Variants in C4orf50 observed in about 807,000 individuals in gnomAD.
C4orf50 encodes uncharacterized protein C4orf50.
Under a neutral mutation model 77.2 loss-of-function variants are expected in C4orf50, and 80 were observed. The ratio of observed to expected loss-of-function variants is 1.04; its 90% CI spans 0.87 to 1.25. C4orf50 has a LOEUF of 1.25. Among genes scored for constraint, C4orf50 ranks in the 50% most tolerant of loss-of-function variants. The pLI is 0.00. For missense variants in C4orf50, 1,257 were observed against 1,152.9 expected (o/e 1.09, Z -1.31); for synonymous variants, 532 against 465.3 (o/e 1.14, Z -1.84).
At chr4:5,924,225 C>T (rs1717410281) in intron 7 of C4orf50, among the ~76,000 whole-genome samples, 1 of 152,176 alleles carries the variant, frequency 6.6e-6, no homozygotes, top group African/African-American at 2.4e-5. Flanking sequence ...TTAATAAACT[C>T]CCCTTCATAT....
At chr4:5,988,904 G>T (rs1386719004) in exon 28 of C4orf50, 2 of 1,535,964 alleles carry the variant, frequency 1.3e-6, no homozygotes, top group Non-Finnish European at 1.7e-6. Flanking sequence ...AGGGTGACTT[G>T]CTCCATCGTG....
In C4orf50 at chr4:5,913,971, C is replaced by T. The variant is rs573602025; in HGVS notation, c.*2475-15783G>A. On this transcript the variant is annotated intron_variant, in intron 7 of 7. Transcript: ENST00000324058. ...GACAATGATAGTCATCTCATTACCC[C>T]GGCAGCCCAAATGTTCAATAACAAG... Among the ~76,000 whole-genome samples the T allele has an allele frequency of 2.2e-3, 331 of 152,166 alleles. 1 individual carries two copies. The highest frequency in any genetic ancestry group is 7.6e-3 in the African/African-American group (314 of 41,506).
chr4:5,954,535 G>C (rs937932067), downstream of C4orf50, among the ~76,000 whole-genome samples: 14 of 152,108 alleles, frequency 9.2e-5, no homozygotes, highest in Non-Finnish European at 1.6e-4. This position sits in a 1 kb window ranked among gnomAD's most constrained non-coding sequence, Gnocchi z 4.7. Context: ...GATGGGGGAG[G>C]GGGGTCAGCT....
intron 7 of C4orf50, chr4:5,923,448 G>T (rs1717373190): frequency 6.5e-6 from 1 of 153,314 alleles, no homozygotes; most frequent in South Asian, 2.1e-4. Context: ...CAGGGAGGAG[G>T]CTTTTGTGGC....
At chr4:5,974,158 C>G (rs567571183) in intron 30 of C4orf50, among the ~76,000 whole-genome samples, 1 of 152,206 alleles carries the variant, frequency 6.6e-6, no homozygotes, top group Non-Finnish European at 1.5e-5. Context: ...CTCTGCACCT[C>G]GACTTGCCCA....
rs577457054 is a variant in C4orf50, at chr4:5,960,380, G to T, written c.4276-754C>A. On this transcript the variant is annotated intron_variant, in intron 33 of 33. Coordinates refer to ENST00000531445, the Ensembl canonical transcript of C4orf50. ...TAATGCCTCTTCTCCCTCCTCTAAA[G>T]GGTGTGGCAGGTGTGTCAGTGCCTT... 8.5e-5 allele frequency among the ~76,000 whole-genome samples: 13 copies of T among 152,302 alleles called. 1 individual carries two copies. The highest frequency in any genetic ancestry group is 3.1e-4 in the African/African-American group (13 of 41,570).
intron 33 of C4orf50, among the ~76,000 whole-genome samples, chr4:5,960,323 G>C (rs1719203829): frequency 6.6e-6 from 1 of 152,160 alleles, no homozygotes; most frequent in Non-Finnish European, 1.5e-5. Context: ...TGACAGGCAG[G>C]ACTGCCTCAC....
exon 28 of C4orf50, chr4:5,989,583 C>T: frequency 6.5e-7 from 1 of 1,536,162 alleles, no homozygotes. Context: ...TGCTGCCCGG[C>T]TGCAGGGTGG....
intron 31 of C4orf50, 144 bp from the exon 10 acceptor site, chr4:5,967,606 C>T: frequency 1.5e-6 from 1 of 680,478 alleles, no homozygotes; most frequent in Non-Finnish European, 2.7e-6. Flanking sequence ...TGCCTGTGTG[C>T]ATGAAGACCT....
At chr4:5,994,311 G>A (rs545947826) in intron 26 of C4orf50, 36 bp downstream of exon 4, 3 of 399,026 alleles carry the variant, frequency 7.5e-6, no homozygotes, top group East Asian at 3.6e-5. Flanking sequence ...GGTGCTGCCC[G>A]CGACTCGTCC....
intron 25 of C4orf50, among the ~76,000 whole-genome samples, chr4:5,996,679 A>G (rs1577982376): frequency 1.3e-5 from 2 of 152,186 alleles, no homozygotes; most frequent in Middle Eastern, 6.8e-3. Flanking sequence ...GGTCTTGTCC[A>G]TTTCTTCTCA....
chr4:5,980,430 AGTTT>A (rs2108781187), intron 28 of C4orf50, 92 bp from the exon 7 acceptor site: 1 of 1,172,036 alleles, frequency 8.5e-7, no homozygotes, highest in Non-Finnish European at 1.2e-6. Flanking sequence ...CCCACTCCGT[AGTTT>A]TTTTTTTTGT....
intron 26 of C4orf50, among the ~76,000 whole-genome samples, chr4:5,993,990 G>A (rs1035377894): frequency 6.6e-6 from 1 of 152,134 alleles, no homozygotes; most frequent in Non-Finnish European, 1.5e-5. Flanking sequence ...GAAGTGGGGG[G>A]ACAGGACGGC....
chr4:5,925,778 T>G (rs1257883957), intron 7 of C4orf50, among the ~76,000 whole-genome samples: 1 of 151,954 alleles, frequency 6.6e-6, no homozygotes, highest in African/African-American at 2.4e-5. Context: ...AGGACCAGGG[T>G]TGGGGAAGCA....
At chr4:5,927,629 G>GTC (rs1193758558) in intron 7 of C4orf50, among the ~76,000 whole-genome samples, 3 of 150,142 alleles carry the variant, frequency 2.0e-5, no homozygotes, top group Admixed American at 6.6e-5. Flanking sequence ...CTCTCCCTCT[G>GTC]TCTCTCTCTC....
chr4:5,950,232 A>G (rs1006486247), intron 7 of C4orf50, among the ~76,000 whole-genome samples: 14 of 152,336 alleles, frequency 9.2e-5, no homozygotes, highest in African/African-American at 3.1e-4. Context: ...TAAAACTGAC[A>G]GGCCACTTAG....
chr4:5,952,817 C>T (rs1289653215), downstream of C4orf50, among the ~76,000 whole-genome samples: 5 of 152,148 alleles, frequency 3.3e-5, no homozygotes, highest in East Asian at 3.9e-4. The surrounding 1 kb of genome is among the most constrained non-coding windows in gnomAD (Gnocchi z 4.4). Context: ...GCACAGTTCC[C>T]GACACCGACA....
intron 7 of C4orf50, among the ~76,000 whole-genome samples, chr4:5,911,055 G>A (rs375271378): frequency 7.2e-5 from 11 of 151,928 alleles, no homozygotes; most frequent in South Asian, 2.1e-4. Flanking sequence ...ACAGGTGCCC[G>A]CCACCATGCC....
rs182158878 is a variant in C4orf50, at chr4:5,971,831, G to A, written c.4104+1828C>T. On this transcript the variant is annotated intron_variant, in intron 31 of 33. Coordinates refer to ENST00000531445, the Ensembl canonical transcript of C4orf50. ...TAAGTTTGGTCATTGTAAGTCAGCC[G>A]ATCCAACCCCAGTGAACATTTCAAT... Among the ~76,000 whole-genome samples, 6 of 152,184 alleles carry A rather than the reference G, an allele frequency of 3.9e-5. No individual in the cohort carries two copies. In the East Asian group the frequency reaches 5.8e-4, roughly 15 times the overall value.
Sources: gnomAD v4.1 joint callset for allele counts (sites outside exome capture counted in the v4.1 genomes callset) on GRCh38, gnomAD v4.1.1 for gene constraint, Gnocchi (gnomAD v3.1) non-coding constraint, MANE v1.5 for transcripts, NCBI Gene and HGNC (gene_info 2026-07-23, HGNC 2026-07-21) for gene names.